EPHA5: variants seen among roughly 807,000 people sequenced by gnomAD.
EPHA5 encodes the protein ephrin type-A receptor 5.
Under a neutral mutation model 105.0 loss-of-function variants are expected in EPHA5, and 60 were observed. The ratio of observed to expected loss-of-function variants is 0.57; its 90% CI spans 0.46 to 0.71. The LOEUF is 0.71. Among genes scored for constraint, EPHA5 ranks in the 30% least tolerant of loss-of-function variants. The probability of loss-of-function intolerance (pLI) is 0.00; values close to 1 mark genes in which losing one functional copy is unlikely to be tolerated. For synonymous variants in EPHA5, 513 were observed against 449.1 expected (o/e 1.14, Z -1.80); for missense variants, 1,218 against 1,274.7 (o/e 0.96, Z 0.68).
intron 5 of EPHA5, among the ~76,000 whole-genome samples, chr4:65,486,243 G>C (rs1190296519): frequency 6.6e-6 from 1 of 151,946 alleles, no homozygotes; most frequent in Non-Finnish European, 1.5e-5. Flanking sequence ...TGTTCTTTGA[G>C]ATCATTCATT....
chr4:65,428,336 T>C (rs1002754609), intron 5 of EPHA5, among the ~76,000 whole-genome samples: 10 of 152,174 alleles, frequency 6.6e-5, no homozygotes, highest in Non-Finnish European at 1.5e-4. Flanking sequence ...ATACTTAGTA[T>C]ATCCTTCTTA....
At chr4:65,385,158 T>C (rs1719958846) in intron 8 of EPHA5, among the ~76,000 whole-genome samples, 2 of 151,866 alleles carry the variant, frequency 1.3e-5, no homozygotes, top group Non-Finnish European at 2.9e-5. Context: ...GCTTTGAAAG[T>C]ACTGTTTTAA....
At chr4:65,350,369 T>A (rs561421269) in intron 13 of EPHA5, among the ~76,000 whole-genome samples, 55 of 150,850 alleles carry the variant, frequency 3.6e-4, no homozygotes, top group African/African-American at 9.0e-4. Flanking sequence ...AAAAATGTTT[T>A]AAAAAAAAAA....
chr4:65,349,788 G>T (rs1722642648), intron 13 of EPHA5, among the ~76,000 whole-genome samples: 1 of 152,138 alleles, frequency 6.6e-6, no homozygotes, highest in South Asian at 2.1e-4. Context: ...ATTGTATTAT[G>T]AGTCCTAGCT....
intron 8 of EPHA5, among the ~76,000 whole-genome samples, chr4:65,375,005 G>A (rs914565910): frequency 2.0e-5 from 3 of 151,718 alleles, no homozygotes; most frequent in Non-Finnish European, 2.9e-5. Context: ...CTAAACAAAT[G>A]TCATCCTTAA....
intron 8 of EPHA5, among the ~76,000 whole-genome samples, chr4:65,402,602 C>T (rs2148985561): frequency 6.6e-6 from 1 of 152,056 alleles, no homozygotes; most frequent in African/African-American, 2.4e-5. Flanking sequence ...CATTTTTATT[C>T]ATTTCTCCTA....
intron 14 of EPHA5, among the ~76,000 whole-genome samples, chr4:65,342,241 T>C (rs918858706): frequency 6.6e-6 from 1 of 152,080 alleles, no homozygotes; most frequent in Non-Finnish European, 1.5e-5. Context: ...GTCATTTTTT[T>C]CAAAAGCATA....
At chr4:65,403,633 A>T (rs952107435) in intron 8 of EPHA5, among the ~76,000 whole-genome samples, 1 of 151,876 alleles carries the variant, frequency 6.6e-6, no homozygotes, top group African/African-American at 2.4e-5. Flanking sequence ...ATTCTACTTT[A>T]TTGCATTTTA....
chr4:65,349,065 C>G (rs951734548), intron 13 of EPHA5, among the ~76,000 whole-genome samples: 1 of 151,738 alleles, frequency 6.6e-6, no homozygotes, highest in African/African-American at 2.4e-5. Context: ...ATTCACCCAC[C>G]TTAGCCTCCC....
At chr4:65,556,920 G>A (rs962990447) in intron 3 of EPHA5, among the ~76,000 whole-genome samples, 1 of 151,900 alleles carries the variant, frequency 6.6e-6, no homozygotes, top group Non-Finnish European at 1.5e-5. Context: ...TAAATTCACG[G>A]AATGTTGCAA....
chr4:65,380,343 T>C (rs1157016657), intron 8 of EPHA5, among the ~76,000 whole-genome samples: 1 of 151,802 alleles, frequency 6.6e-6, no homozygotes, highest in East Asian at 1.9e-4. Flanking sequence ...GCATAATCTT[T>C]TCAGACCCAA....
chr4:65,592,619 T>G (rs1742779815), intron 3 of EPHA5, among the ~76,000 whole-genome samples: 1 of 152,176 alleles, frequency 6.6e-6, no homozygotes, highest in African/African-American at 2.4e-5. Context: ...AAGCACAACC[T>G]TCAAGAATCA....
chr4:65,510,613 T>C (rs773635392), intron 3 of EPHA5, among the ~76,000 whole-genome samples: 6 of 152,190 alleles, frequency 3.9e-5, no homozygotes, highest in Admixed American at 1.3e-4. Context: ...TGTGTGAGTA[T>C]AACTGCTGGC....
chr4:65,414,482 T>A (rs748150671), intron 6 of EPHA5, 39 bp from the exon 7 acceptor site: 3 of 1,596,218 alleles, frequency 1.9e-6, no homozygotes, highest in South Asian at 2.2e-5. Context: ...AAAGACAGCA[T>A]ATAAATTACT....
chr4:65,627,899 AT>A (rs894998794), intron 2 of EPHA5, among the ~76,000 whole-genome samples: 23 of 152,176 alleles, frequency 1.5e-4, no homozygotes, highest in African/African-American at 5.5e-4. Flanking sequence ...AGTCAAAAAA[AT>A]AAAAGCATAA....
chr4:65,356,794 G>C (rs1401927427), intron 11 of EPHA5, among the ~76,000 whole-genome samples: 1 of 151,232 alleles, frequency 6.6e-6, no homozygotes, highest in Non-Finnish European at 1.5e-5. Flanking sequence ...CATTTAGTTT[G>C]GCTTATGTTT....
chr4:65,646,482 A>T (rs956800886), intron 1 of EPHA5, among the ~76,000 whole-genome samples: 3 of 152,200 alleles, frequency 2.0e-5, no homozygotes, highest in African/African-American at 7.2e-5. Context: ...TTAGTGGATG[A>T]ATACTTGCTT....
chr4:65,521,291 G>A (rs1328593116), intron 3 of EPHA5, among the ~76,000 whole-genome samples: 1 of 151,974 alleles, frequency 6.6e-6, no homozygotes, highest in Admixed American at 6.6e-5. Context: ...ACCAAACACA[G>A]CATGTTCTCA....
intron 5 of EPHA5, among the ~76,000 whole-genome samples, chr4:65,434,730 G>T (rs991844962): frequency 4.6e-5 from 7 of 151,952 alleles, no homozygotes; most frequent in Non-Finnish European, 1.0e-4. Flanking sequence ...AATTCCAATG[G>T]AATAGGCAGA....
Sources: gnomAD v4.1 joint callset for allele counts (sites outside exome capture counted in the v4.1 genomes callset) on GRCh38, gnomAD v4.1.1 for gene constraint, MANE v1.5 for transcripts, NCBI Gene and HGNC (gene_info 2026-07-23, HGNC 2026-07-21) for gene names.